Variants in ANKIB1 observed in about 807,000 individuals in gnomAD.
The protein encoded by ANKIB1 is ankyrin repeat and IBR domain containing 1, also known as ankyrin repeat and IBR domain-containing protein 1.
ANKIB1 carries 43 observed loss-of-function variants against 122.1 expected under a neutral mutation model. That is an observed-to-expected ratio of 0.35 (90% CI 0.28 to 0.45). The LOEUF (loss-of-function observed/expected upper bound fraction) is 0.45. Among genes scored for constraint, ANKIB1 ranks in the 20% least tolerant of loss-of-function variants. The pLI is 1.00. For missense variants in ANKIB1, 992 were observed against 1,329.5 expected, an observed-to-expected ratio of 0.75 and a Z score of 3.95; for synonymous variants, 390 against 442.0, an observed-to-expected ratio of 0.88 and a Z score of 1.48.
At chr7:92,389,136 G>GA (rs1393912003) in intron 14 of ANKIB1, among the ~76,000 whole-genome samples, 5 of 151,644 alleles carry the variant, frequency 3.3e-5, no homozygotes, top group South Asian at 2.1e-4. Flanking sequence ...TAAATTAGGG[G>GA]AAAAAAACAA....
At chr7:92,278,613 A>C (rs780037185) in intron 1 of ANKIB1, among the ~76,000 whole-genome samples, 1 of 152,244 alleles carries the variant, frequency 6.6e-6, no homozygotes, top group African/African-American at 2.4e-5. Flanking sequence ...GGTTGAGTGC[A>C]AGAGGGACAA....
At chr7:92,340,757 G>A (rs550418686) in intron 5 of ANKIB1, among the ~76,000 whole-genome samples, 6 of 152,242 alleles carry the variant, frequency 3.9e-5, no homozygotes, top group Admixed American at 3.9e-4. Context: ...GTATACAAAA[G>A]CCTTCTTTAA....
chr7:92,345,867 C>T (rs958840418), intron 7 of ANKIB1, among the ~76,000 whole-genome samples: 3 of 149,130 alleles, frequency 2.0e-5, no homozygotes, highest in East Asian at 2.1e-4. Flanking sequence ...TGGGTAAGAG[C>T]GAGAACCTGA....
intron 11 of ANKIB1, among the ~76,000 whole-genome samples, chr7:92,379,794 ATAG>A (rs1158469119): frequency 1.3e-5 from 2 of 152,222 alleles, no homozygotes; most frequent in Non-Finnish European, 2.9e-5. Context: ...AGATGGCCAA[ATAG>A]GAACAGCCCC....
intron 8 of ANKIB1, among the ~76,000 whole-genome samples, chr7:92,352,061 A>G (rs566621265): frequency 4.8e-4 from 73 of 152,092 alleles, no homozygotes; most frequent in Non-Finnish European, 1.0e-3. Context: ...ATTATTATGT[A>G]TTATTTGGGT....
At chr7:92,296,371 G>A (rs544773865) in intron 2 of ANKIB1, among the ~76,000 whole-genome samples, 1 of 151,956 alleles carries the variant, frequency 6.6e-6, no homozygotes, top group South Asian at 2.1e-4. Flanking sequence ...TACAGGCCTC[G>A]GCCACCATAG....
At chr7:92,387,298 G>A (rs1804677490) in intron 12 of ANKIB1, among the ~76,000 whole-genome samples, 1 of 152,210 alleles carries the variant, frequency 6.6e-6, no homozygotes, top group African/African-American at 2.4e-5. Flanking sequence ...ATTAATTTTA[G>A]GGGGAATACC....
chr7:92,277,221 C>A (rs1562768517), intron 1 of ANKIB1, among the ~76,000 whole-genome samples: 1 of 152,148 alleles, frequency 6.6e-6, no homozygotes, highest in African/African-American at 2.4e-5. Flanking sequence ...ACTTCTCAGT[C>A]TCAGGTATTT....
chr7:92,287,283 T>TA (rs1802150691), intron 1 of ANKIB1, among the ~76,000 whole-genome samples: 1 of 152,204 alleles, frequency 6.6e-6, no homozygotes, highest in Admixed American at 6.5e-5. Flanking sequence ...TAGGGCCCTA[T>TA]ATGGCATTTA....
At chr7:92,305,575 CAAAG>C (rs978127946) in intron 2 of ANKIB1, among the ~76,000 whole-genome samples, 8 of 152,040 alleles carry the variant, frequency 5.3e-5, no homozygotes, top group African/African-American at 1.2e-4. Flanking sequence ...TATATGAAGA[CAAAG>C]AAAAGAGTGG....
chr7:92,345,854 A>G (rs796867530), intron 7 of ANKIB1, among the ~76,000 whole-genome samples: 28 of 149,340 alleles, frequency 1.9e-4, no homozygotes, highest in African/African-American at 6.4e-4. Context: ...AGAGAATACT[A>G]TGTGGGTAAG....
At chr7:92,382,458 A>G (rs920479619) in intron 11 of ANKIB1, among the ~76,000 whole-genome samples, 4 of 152,206 alleles carry the variant, frequency 2.6e-5, no homozygotes, top group Non-Finnish European at 4.4e-5. Context: ...ACCACATCGC[A>G]CTTGTTCCAA....
chr7:92,382,915 C>T (rs1411796666), intron 11 of ANKIB1, among the ~76,000 whole-genome samples: 2 of 151,952 alleles, frequency 1.3e-5, no homozygotes, highest in African/African-American at 4.8e-5. Flanking sequence ...GAGATGGAGA[C>T]ATAAAAACCC....
At chr7:92,372,964 G>A (rs1476639955) in intron 11 of ANKIB1, among the ~76,000 whole-genome samples, 3 of 151,650 alleles carry the variant, frequency 2.0e-5, no homozygotes, top group African/African-American at 7.3e-5. Flanking sequence ...TATCTTCTAG[G>A]TATTACTTGA....
chr7:92,320,432 A>G (rs181464571), intron 4 of ANKIB1, among the ~76,000 whole-genome samples: 1 of 152,292 alleles, frequency 6.6e-6, no homozygotes, highest in African/African-American at 2.4e-5. Flanking sequence ...GCAATTGACC[A>G]ATCCCTTCTT....
rs1266500699 is a variant in ANKIB1, at chr7:92,319,407, A to G, written c.564A>G (p.Gln188=). The part of the protein sequence containing the change: ...KDTPCDCAEK[Q]HHKDLALNLE... ...CTCCTTGTGATTGTGCTGAAAAGCAACACCACAAAGATTTGGCCCTCAATC... is the reference window on the plus strand; with the variant it reads ...CTCCTTGTGATTGTGCTGAAAAGCAGCACCACAAAGATTTGGCCCTCAATC... The change falls in exon 4 of 20, where the codon CAA becomes CAG. Residue 188 remains glutamine (Q), a synonymous_variant. Transcript: ENST00000265742. The G allele has an allele frequency of 1.1e-5, 17 of 1,613,460 alleles. No homozygotes were observed. The highest frequency in any genetic ancestry group is 1.7e-4 in the Middle Eastern group (1 of 6,060).
rs145067084 is a variant in ANKIB1, at chr7:92,334,760, C to T, written c.787+6860C>T. ...TATAATATACTTTTAAAAATTAATG[C>T]ATGATATAAAGCTTTTCATATCAAT... On this transcript the variant is annotated intron_variant, in intron 5 of 19. Transcript: ENST00000265742. 1.1e-4 allele frequency among the ~76,000 whole-genome samples: 17 copies of T among 151,958 alleles called. No individual in the cohort carries two copies. In the East Asian group the frequency reaches 3.3e-3, roughly 29 times the overall value.
chr7:92,299,897 C>T (rs1041669414), intron 2 of ANKIB1, among the ~76,000 whole-genome samples: 4 of 152,114 alleles, frequency 2.6e-5, no homozygotes, highest in African/African-American at 9.7e-5. Context: ...GCCTCGACCT[C>T]AGGCTCAAGC....
At chr7:92,391,476 A>G (rs189604048) in intron 16 of ANKIB1, 132 bp downstream of exon 16, 45 of 806,168 alleles carry the variant, frequency 5.6e-5, no homozygotes, top group Admixed American at 8.3e-5. Flanking sequence ...TCATAAAAGT[A>G]TGTTGACTTT....
Sources: allele counts gnomAD v4.1 joint callset (sites outside exome capture counted in the v4.1 genomes callset), GRCh38; gene constraint gnomAD v4.1.1; transcripts MANE v1.5; gene names NCBI Gene and HGNC (gene_info 2026-07-23, HGNC 2026-07-21).